LIMCH1: variants seen among roughly 807,000 people sequenced by gnomAD.
LIMCH1 encodes the protein LIM and calponin homology domains 1, also known as LIM and calponin homology domains-containing protein 1.
LIMCH1 carries 113 observed loss-of-function variants against 176.5 expected under a neutral mutation model. The ratio of observed to expected loss-of-function variants is 0.64; its 90% CI spans 0.55 to 0.75. The LOEUF (loss-of-function observed/expected upper bound fraction) is 0.75, where lower values mean the gene tolerates loss of function less well. Among genes scored for constraint, LIMCH1 ranks in the 30% least tolerant of loss-of-function variants. LIMCH1 has a pLI of 0.00. For synonymous variants in LIMCH1, 619 were observed against 645.9 expected, an observed-to-expected ratio of 0.96 and a Z score of 0.63; for missense variants, 1,674 against 1,814.9, an observed-to-expected ratio of 0.92 and a Z score of 1.41.
intron 1 of LIMCH1, among the ~76,000 whole-genome samples, chr4:41,393,241 C>T (rs17628171): frequency 0.049 from 7,387 of 152,186 alleles, 352 homozygotes; most frequent in East Asian, 0.12. Flanking sequence ...TGGCTTTCCT[C>T]GTTGAATGTG....
chr4:41,596,996 T>A (rs1409825080), intron 1 of LIMCH1, among the ~76,000 whole-genome samples: 1 of 152,152 alleles, frequency 6.6e-6, no homozygotes, highest in Non-Finnish European at 1.5e-5. Context: ...TCCTTTTTAG[T>A]ACTTCCTTCA....
At chr4:41,400,239 G>A (rs1358255544) in intron 1 of LIMCH1, among the ~76,000 whole-genome samples, 1 of 152,108 alleles carries the variant, frequency 6.6e-6, no homozygotes, top group African/African-American at 2.4e-5. Context: ...AATTTAAAAG[G>A]TCTTAGAGGT....
At chr4:41,582,322 A>G (rs1264298500) in intron 1 of LIMCH1, among the ~76,000 whole-genome samples, 1 of 152,234 alleles carries the variant, frequency 6.6e-6, no homozygotes, top group Non-Finnish European at 1.5e-5. Context: ...ATGGAAAACT[A>G]GATGGAAGAT....
rs116831446 is a variant in LIMCH1 at position 41,562,014 on chromosome 4, G to T, written c.-241+23664G>T. Reference sequence around the variant, plus strand: ...CTCTTTCATAGGCAGTATCATTATTGCTTGTGGGTTTGGGGCTTTATTTTG... The same window carrying T: ...CTCTTTCATAGGCAGTATCATTATTTCTTGTGGGTTTGGGGCTTTATTTTG... On this transcript the variant is annotated intron_variant, in intron 1 of 31. Coordinates refer to ENST00000503057, the MANE Select transcript of LIMCH1 (RefSeq NM_001330672.2). Among the ~76,000 whole-genome samples the T allele has an allele frequency of 1.7e-3, 253 of 152,210 alleles. 1 individual carries two copies. The highest frequency in any genetic ancestry group is 5.7e-3 in the African/African-American group (235 of 41,514).
chr4:41,500,751 GAGAC>G, intron 2 of LIMCH1, among the ~76,000 whole-genome samples: 1 of 152,328 alleles, frequency 6.6e-6, no homozygotes, highest in Non-Finnish European at 1.5e-5. Context: ...GAAGACTTAA[GAGAC>G]AGACAGGCAC....
chr4:41,665,449 T>G (rs1243801502), intron 20 of LIMCH1, among the ~76,000 whole-genome samples: 1 of 152,188 alleles, frequency 6.6e-6, no homozygotes, highest in Non-Finnish European at 1.5e-5. Context: ...CAGAATGAGG[T>G]GATTAGTTTT....
At chr4:41,448,638 T>TATTCACAG (rs532838193) in intron 1 of LIMCH1, among the ~76,000 whole-genome samples, 392 of 152,286 alleles carry the variant, frequency 2.6e-3, no homozygotes, top group African/African-American at 9.2e-3. Context: ...CTTTTCAGTA[T>TATTCACAG]ATTCACAGAG....
chr4:41,534,776 A>G (rs1401449657), upstream of LIMCH1, among the ~76,000 whole-genome samples: 1 of 152,100 alleles, frequency 6.6e-6, no homozygotes, highest in African/African-American at 2.4e-5. Context: ...TGTTTGATCC[A>G]CATTGGCAGG....
chr4:41,689,603 C>T lies in LIMCH1; in HGVS notation c.4243C>T (p.Leu1415Phe), dbSNP rs774790236. ...AGGAGCTGCAATGATCATCGAGACC[C>T]TCAATCTCTATTTTCACATCCAGTG... Reference protein sequence around the residue: ...GKGAAMIIETLNLYFHIQCFR... With the variant: ...GKGAAMIIETFNLYFHIQCFR... The change falls in exon 30 of 32, where the codon CTC becomes TTC. Residue 1415 changes from leucine (L) to phenylalanine (F), a missense_variant. This residue lies in a region of LIMCH1 where 1,015 missense variants were observed against 1,102.5 expected (regional missense o/e 0.92). Coordinates refer to ENST00000503057, the MANE Select transcript of LIMCH1 (RefSeq NM_001330672.2). The T allele has an allele frequency of 1.2e-6, 2 of 1,611,198 alleles. No homozygotes were observed. Among genetic ancestry groups the T allele is most frequent in the South Asian group, 1.1e-5 (1 of 91,034 alleles).
At chr4:41,373,041 A>C (rs922270207) in intron 1 of LIMCH1, among the ~76,000 whole-genome samples, 5 of 152,198 alleles carry the variant, frequency 3.3e-5, no homozygotes, top group African/African-American at 1.2e-4. Context: ...GACAAATGTG[A>C]GATTTCCATT....
chr4:41,603,894 A>G lies in LIMCH1; in HGVS notation c.-114A>G. Reference sequence around the variant, plus strand: ...GACTAGGAGCCTTGATTATAGTAGGAAGCTGAAAAATGTAAGTGTTTTAAC... The same window carrying G: ...GACTAGGAGCCTTGATTATAGTAGGGAGCTGAAAAATGTAAGTGTTTTAAC... On this transcript the variant is annotated 5_prime_UTR_variant, in exon 3 of 32. Transcript: ENST00000503057. 3.7e-6 allele frequency: 6 copies of G among 1,608,160 alleles called. No homozygotes were observed. The highest frequency in any genetic ancestry group is 5.1e-6 in the Non-Finnish European group (6 of 1,175,328).
Position 41,434,596 on chromosome 4 carries a change from C to T in LIMCH1, c.97-59940C>T, listed in dbSNP as rs535956849. On this transcript the variant is annotated intron_variant, in intron 1 of 26. Coordinates refer to the LIMCH1 transcript ENST00000313860. ...CAGGGGTGTGATCTTGGCTCACTGC[C>T]ACCTCCACCTCCCAAGTTCAGGAGA... is the stretch of plus-strand genomic sequence containing the variant. Among the ~76,000 whole-genome samples the T allele has an allele frequency of 7.2e-5, 11 of 152,222 alleles. No homozygotes were observed. The East Asian group carries it at 2.1e-3, about 29-fold the overall frequency.
chr4:41,467,162 C>T (rs6832728), intron 1 of LIMCH1, among the ~76,000 whole-genome samples: 4,399 of 42,894 alleles, frequency 0.1, 244 homozygotes, highest in African/African-American at 0.46. Context: ...TATATATACA[C>T]ACACACACAC....
chr4:41,526,261 CTTT>C (rs11384675), intron 3 of LIMCH1, among the ~76,000 whole-genome samples: 2 of 131,002 alleles, frequency 1.5e-5, no homozygotes, highest in Non-Finnish European at 3.2e-5. Flanking sequence ...CTTGCTATCG[CTTT>C]TTTTTTTTTT....
rs1218310809 is a variant in LIMCH1, at chr4:41,367,986, T to G, written c.96+7050T>G. Among the ~76,000 whole-genome samples the G allele has an allele frequency of 2.0e-5, 3 of 152,312 alleles. No homozygotes were observed. The East Asian group carries it at 5.8e-4, about 29-fold the overall frequency. On this transcript the variant is annotated intron_variant, in intron 1 of 26. Coordinates refer to the LIMCH1 transcript ENST00000313860. The stretch of plus-strand genomic sequence containing the variant: ...CAGCCTTATTTTTTTGCCAAGTATG[T>G]TCACCAAATGGGTCTGCACCAAGTG...
chr4:41,492,167 G>A (rs140428867), intron 1 of LIMCH1, among the ~76,000 whole-genome samples: 9,381 of 152,250 alleles, frequency 0.062, 326 homozygotes, highest in Non-Finnish European at 0.07. Context: ...TCAGGAGGCC[G>A]AGGCGGGCAG....
intron 1 of LIMCH1, among the ~76,000 whole-genome samples, chr4:41,367,301 T>C (rs2053170484): frequency 6.6e-6 from 1 of 152,206 alleles, no homozygotes; most frequent in Non-Finnish European, 1.5e-5. Flanking sequence ...ATAACTTGGC[T>C]GATACCTTTT....
chr4:41,430,466 G>A (rs1195493481), intron 1 of LIMCH1, among the ~76,000 whole-genome samples: 3 of 152,272 alleles, frequency 2.0e-5, no homozygotes, highest in African/African-American at 4.8e-5. Flanking sequence ...GTTTCACCAC[G>A]TTGGCTAGGA....
intron 21 of LIMCH1, among the ~76,000 whole-genome samples, chr4:41,669,019 T>C (rs563673075): frequency 1.3e-4 from 20 of 152,168 alleles, no homozygotes; most frequent in Non-Finnish European, 2.2e-4. Flanking sequence ...GGAGCTTTGA[T>C]TCAAGATTTG....
Sources: allele counts gnomAD v4.1 joint callset (sites outside exome capture counted in the v4.1 genomes callset), GRCh38; gene constraint gnomAD v4.1.1; regional missense constraint gnomAD v4.1.1; transcripts MANE v1.5; gene names NCBI Gene and HGNC (gene_info 2026-07-23, HGNC 2026-07-21).